CDC20B: variants seen among roughly 807,000 people sequenced by gnomAD.
CDC20B encodes the protein cell division cycle protein 20 homolog B.
In CDC20B, 58 loss-of-function variants were observed where a neutral mutation model predicts 64.1. The ratio of observed to expected loss-of-function variants is 0.90; its 90% CI spans 0.73 to 1.13. The LOEUF (loss-of-function observed/expected upper bound fraction) is 1.13, where lower values mean the gene tolerates loss of function less well. Ranked by LOEUF, CDC20B falls within the 50% of genes most tolerant of loss-of-function variation. CDC20B has a pLI of 0.00. For missense variants in CDC20B, 597 were observed against 633.0 expected (o/e 0.94, Z 0.61); for synonymous variants, 243 against 230.6 (o/e 1.05, Z -0.49).
intron 6 of CDC20B, among the ~76,000 whole-genome samples, chr5:55,129,054 T>C (rs1742965047): frequency 6.6e-6 from 1 of 152,194 alleles, no homozygotes; most frequent in African/African-American, 2.4e-5. Context: ...GGTTCATGTA[T>C]GATACCTACA....
chr5:55,153,452 A>T (rs1320459448), intron 2 of CDC20B, among the ~76,000 whole-genome samples: 1 of 152,174 alleles, frequency 6.6e-6, no homozygotes, highest in Non-Finnish European at 1.5e-5. Flanking sequence ...TGAGCAAAAC[A>T]TGACAAATAA....
intron 1 of CDC20B, 107 bp downstream of exon 1, chr5:55,172,831 G>A: frequency 8.8e-7 from 1 of 1,138,964 alleles, no homozygotes; most frequent in South Asian, 1.5e-5. Context: ...TTTACGACCA[G>A]GGCTTAGAGT....
At chr5:55,162,743 A>C (rs1744148677) in intron 2 of CDC20B, among the ~76,000 whole-genome samples, 1 of 152,262 alleles carries the variant, frequency 6.6e-6, no homozygotes, top group African/African-American at 2.4e-5. Context: ...CTTCAGTTAC[A>C]GCAGCCAGAT....
At chr5:55,121,220 A>G (rs1317218646) in intron 9 of CDC20B, among the ~76,000 whole-genome samples, 1 of 152,194 alleles carries the variant, frequency 6.6e-6, no homozygotes, top group Non-Finnish European at 1.5e-5. Context: ...TCATCTTGGT[A>G]ACTACCCTCA....
At chr5:55,124,473 C>T (rs1301476662) in intron 9 of CDC20B, among the ~76,000 whole-genome samples, 2 of 152,048 alleles carry the variant, frequency 1.3e-5, no homozygotes, top group African/African-American at 4.8e-5. Flanking sequence ...AAAAGATGGG[C>T]CCAAATGACA....
intron 2 of CDC20B, among the ~76,000 whole-genome samples, chr5:55,149,147 T>C (rs1743587426): frequency 6.6e-6 from 1 of 152,172 alleles, no homozygotes; most frequent in African/African-American, 2.4e-5. Flanking sequence ...TAGGGAAATG[T>C]AAACTAAACC....
At chr5:55,130,703 A>C (rs1242314724) in intron 6 of CDC20B, among the ~76,000 whole-genome samples, 2 of 152,258 alleles carry the variant, frequency 1.3e-5, no homozygotes, top group Non-Finnish European at 2.9e-5. Flanking sequence ...GAAATGAAGG[A>C]GAACACTGAA....
Position 55,116,124 on chromosome 5 carries a change from C to A in CDC20B, c.1460-1806G>T, listed in dbSNP as rs181330070. Among the ~76,000 whole-genome samples, 506 of 152,326 alleles carry A rather than the reference C, an allele frequency of 3.3e-3. 4 individuals carry two copies. Among genetic ancestry groups the A allele is most frequent in the African/African-American group, 0.011 (464 of 41,564 alleles). On this transcript the variant is annotated intron_variant, in intron 11 of 11. Coordinates refer to ENST00000381375, the MANE Select transcript of CDC20B (RefSeq NM_001170402.1). ...GATCCAATTCAATGCTGTGACTATTCAGACCACACTCCAAACCCTGATGAA... is the reference window on the plus strand; with the variant it reads ...GATCCAATTCAATGCTGTGACTATTAAGACCACACTCCAAACCCTGATGAA...
rs149936032 is a variant in CDC20B at position 55,151,329 on chromosome 5, G to A, written c.127-4473C>T. On this transcript the variant is annotated intron_variant, in intron 2 of 11. Coordinates refer to ENST00000381375, the MANE Select transcript of CDC20B (RefSeq NM_001170402.1). Reference sequence around the variant, plus strand: ...AGGACTCAACAGAGCATGTCTGTGGGCCACATTCAGTGGGCTACATTTGCA... The same window carrying A: ...AGGACTCAACAGAGCATGTCTGTGGACCACATTCAGTGGGCTACATTTGCA... Among the ~76,000 whole-genome samples the A allele has an allele frequency of 1.9e-3, 290 of 152,248 alleles. 1 individual carries two copies. The highest frequency in any genetic ancestry group is 6.5e-3 in the African/African-American group (269 of 41,540).
intron 2 of CDC20B, among the ~76,000 whole-genome samples, chr5:55,151,233 T>G (rs1471167527): frequency 2.6e-5 from 4 of 152,172 alleles, no homozygotes; most frequent in African/African-American, 9.7e-5. Context: ...ATATTAGAAA[T>G]TTAGACTTTT....
At chr5:55,127,741 T>C (rs1411015127) in intron 7 of CDC20B, among the ~76,000 whole-genome samples, 1 of 152,192 alleles carries the variant, frequency 6.6e-6, no homozygotes, top group Non-Finnish European at 1.5e-5. Context: ...ACCCGGACAC[T>C]TCCTAGAATC....
At chr5:55,127,912 TG>T (rs1247527376) in intron 7 of CDC20B, among the ~76,000 whole-genome samples, 2 of 152,196 alleles carry the variant, frequency 1.3e-5, no homozygotes, top group Non-Finnish European at 2.9e-5. Flanking sequence ...GAGAGCCATC[TG>T]TGGCCCTCCT....
chr5:55,141,586 C>T (rs141698836), intron 4 of CDC20B, among the ~76,000 whole-genome samples: 66 of 152,324 alleles, frequency 4.3e-4, no homozygotes, highest in African/African-American at 1.4e-3. Context: ...CATCCTACCT[C>T]GGCCTATCCT....
chr5:55,168,154 C>G (rs552213577), intron 2 of CDC20B, among the ~76,000 whole-genome samples: 1 of 152,106 alleles, frequency 6.6e-6, no homozygotes, highest in Admixed American at 6.5e-5. Flanking sequence ...ACACTCCTTC[C>G]CACTCTTCCC....
chr5:55,160,215 C>G (rs763120289), intron 2 of CDC20B: 1 of 1,614,012 alleles, frequency 6.2e-7, no homozygotes, highest in Non-Finnish European at 8.5e-7. Flanking sequence ...GCAGCTTACC[C>G]GCTAAAATGT....
Position 55,172,991 on chromosome 5 carries a change from T to C in CDC20B, c.10A>G (p.Lys4Glu). The part of the protein sequence containing the change: MEW[K>E]LERTAPRRVR... ...CTCCGAGGCGCGGTGCGCTCCAGTTTCCACTCCATCTCCGGCTGACTTCGC... is the reference window on the plus strand; with the variant it reads ...CTCCGAGGCGCGGTGCGCTCCAGTTCCCACTCCATCTCCGGCTGACTTCGC... Residue 4 changes from lysine (K) to glutamate (E), a missense_variant, in exon 1 of 12, where the codon AAA becomes GAA. By Grantham distance (56) the Lys-to-Glu change is moderately conservative. Around this residue, in one of 3 missense-constraint regions of CDC20B, gnomAD observed 241 missense variants for 219.2 expected, o/e 1.10. Transcript: ENST00000381375. 1.2e-6 allele frequency: 2 copies of C among 1,611,722 alleles called. No individual in the cohort carries two copies. The highest frequency in any genetic ancestry group is 1.3e-5 in the African/African-American group (1 of 74,944).
At chr5:55,147,494 T>C (rs1242520044) in intron 2 of CDC20B, among the ~76,000 whole-genome samples, 1 of 147,846 alleles carries the variant, frequency 6.8e-6, no homozygotes. Context: ...TTATTTTATA[T>C]GTATTTATAT....
At chr5:55,150,678 G>C (rs79568704) in intron 2 of CDC20B, among the ~76,000 whole-genome samples, 1 of 152,160 alleles carries the variant, frequency 6.6e-6, no homozygotes, top group South Asian at 2.1e-4. Flanking sequence ...TTGACTAGGG[G>C]GCAGCAGGTA....
chr5:55,138,012 A>C (rs1743228856), intron 5 of CDC20B, among the ~76,000 whole-genome samples: 1 of 152,108 alleles, frequency 6.6e-6, no homozygotes, highest in Non-Finnish European at 1.5e-5. Context: ...ATACACACAC[A>C]CCCTGCCCAA....
Sources: gnomAD v4.1 joint callset for allele counts (sites outside exome capture counted in the v4.1 genomes callset) on GRCh38, gnomAD v4.1.1 for gene constraint, gnomAD v4.1.1 regional missense constraint, MANE v1.5 for transcripts, NCBI Gene and HGNC (gene_info 2026-07-23, HGNC 2026-07-21) for gene names.